The following PPM1H variants were observed in gnomAD, a reference collection of about 807,000 sequenced individuals.
PPM1H encodes the protein protein phosphatase 1H.
In PPM1H, 27 loss-of-function variants were observed where a neutral mutation model predicts 54.9. The ratio of observed to expected loss-of-function variants is 0.49; its 90% confidence interval spans 0.36 to 0.68. PPM1H has a LOEUF of 0.68. Ranked by LOEUF, PPM1H falls within the 30% of genes least tolerant of loss-of-function variation. PPM1H has a pLI of 0.00. For synonymous variants in PPM1H, 305 were observed against 270.8 expected (o/e 1.13, Z -1.24); for missense variants, 596 against 667.8 (o/e 0.89, Z 1.19).
chr12:62,763,284 T>C (rs342146), intron 4 of PPM1H, among the ~76,000 whole-genome samples: 54,214 of 152,064 alleles, frequency 0.36, 9,835 homozygotes, highest in Middle Eastern at 0.46. Flanking sequence ...GGACTGGCTG[T>C]TGAGCCCCTC....
intron 8 of PPM1H, among the ~76,000 whole-genome samples, chr12:62,683,029 ATTAT>A (rs762952990): frequency 4.0e-5 from 5 of 125,462 alleles, no homozygotes; most frequent in African/African-American, 1.1e-4. Flanking sequence ...GGGAGAGTTT[ATTAT>A]TTATTATTAT....
chr12:62,738,211 G>A (rs945790341), intron 4 of PPM1H, among the ~76,000 whole-genome samples: 10 of 152,176 alleles, frequency 6.6e-5, no homozygotes, highest in African/African-American at 2.2e-4. Flanking sequence ...CTGGGAGCTT[G>A]TTAGAAATGC....
intron 1 of PPM1H, among the ~76,000 whole-genome samples, chr12:62,930,696 T>A (rs552295392): frequency 6.6e-6 from 1 of 152,392 alleles, no homozygotes; most frequent in African/African-American, 2.4e-5. Flanking sequence ...AGCTGCCGCC[T>A]GGTCTCTGGG....
chr12:62,873,836 C>T (rs1405923695), intron 1 of PPM1H, among the ~76,000 whole-genome samples: 1 of 152,098 alleles, frequency 6.6e-6, no homozygotes, highest in Non-Finnish European at 1.5e-5. Context: ...CGATAATTGC[C>T]TAAGGGAAAA....
At chr12:62,716,544 TAGA>T (rs2076235391) in intron 6 of PPM1H, among the ~76,000 whole-genome samples, 1 of 152,224 alleles carries the variant, frequency 6.6e-6, no homozygotes, top group Non-Finnish European at 1.5e-5. Context: ...TTTTACTTGT[TAGA>T]AGGTTTCAGA....
chr12:62,890,618 T>C (rs994356568), intron 1 of PPM1H, among the ~76,000 whole-genome samples: 2 of 151,908 alleles, frequency 1.3e-5, no homozygotes, highest in Non-Finnish European at 2.9e-5. Flanking sequence ...TATTAGCAAC[T>C]GAAAAACATC....
intron 1 of PPM1H, among the ~76,000 whole-genome samples, chr12:62,856,908 T>G (rs2120955102): frequency 6.6e-6 from 1 of 152,252 alleles, no homozygotes; most frequent in South Asian, 2.1e-4. Context: ...TACCAGACAC[T>G]TGGCATTTTG....
intron 6 of PPM1H, among the ~76,000 whole-genome samples, chr12:62,710,490 C>G (rs2076200515): frequency 6.7e-6 from 1 of 150,196 alleles, no homozygotes; most frequent in African/African-American, 2.5e-5. Context: ...TGAGATCACA[C>G]CACTGCACTC....
chr12:62,908,228 G>A (rs1326534250), intron 1 of PPM1H, among the ~76,000 whole-genome samples: 5 of 151,982 alleles, frequency 3.3e-5, no homozygotes, highest in Non-Finnish European at 7.4e-5. Flanking sequence ...CAGCCATGGT[G>A]AAACCCCATC....
At chr12:62,654,267 C>T (rs4763189) in intron 9 of PPM1H, among the ~76,000 whole-genome samples, 92,006 of 146,186 alleles carry the variant, frequency 0.63, 29,300 homozygotes, top group Middle Eastern at 0.74. Flanking sequence ...GGTGATCAGC[C>T]TCCTGATAAG....
intron 1 of PPM1H, among the ~76,000 whole-genome samples, chr12:62,922,703 C>A (rs542649909): frequency 6.6e-6 from 1 of 152,196 alleles, no homozygotes; most frequent in Admixed American, 6.5e-5. Flanking sequence ...GAGGACCCAG[C>A]TGGTCTGACC....
chr12:62,901,529 C>T (rs1426194580), intron 1 of PPM1H, among the ~76,000 whole-genome samples: 1 of 152,174 alleles, frequency 6.6e-6, no homozygotes, highest in African/African-American at 2.4e-5. Flanking sequence ...GTCAATAGTA[C>T]TTGTTCTAAA....
rs2076503627 is a variant in PPM1H, at chr12:62,760,706, A to G, written c.870-23120T>C. Reference sequence around the variant, plus strand: ...CCCACTAAATATATACAGGAATTCCAATATCTAACTCTGTCCTACAATTTA... The same window carrying G: ...CCCACTAAATATATACAGGAATTCCGATATCTAACTCTGTCCTACAATTTA... On this transcript the variant is annotated intron_variant, in intron 4 of 9. Coordinates refer to ENST00000228705, the MANE Select transcript of PPM1H (RefSeq NM_020700.2). Among the ~76,000 whole-genome samples, 4 of 152,234 alleles carry G rather than the reference A, an allele frequency of 2.6e-5. No individual in the cohort carries two copies. The South Asian group carries it at 8.3e-4, about 32-fold the overall frequency.
At chr12:62,733,308 G>A (rs1408593592) in intron 5 of PPM1H, among the ~76,000 whole-genome samples, 1 of 152,118 alleles carries the variant, frequency 6.6e-6, no homozygotes, top group Non-Finnish European at 1.5e-5. Flanking sequence ...GGCTGGAGTT[G>A]CAGTGGCACA....
chr12:62,682,283 T>C (rs1322679237), intron 8 of PPM1H, among the ~76,000 whole-genome samples: 1 of 152,232 alleles, frequency 6.6e-6, no homozygotes, highest in African/African-American at 2.4e-5. Flanking sequence ...TCACTTCAGA[T>C]GGCACAGCCA....
At chr12:62,730,687 C>A (rs1460864746) in intron 5 of PPM1H, among the ~76,000 whole-genome samples, 1 of 151,294 alleles carries the variant, frequency 6.6e-6, no homozygotes, top group African/African-American at 2.4e-5. Context: ...TCTCCTTTTT[C>A]TTGCCCTTAG....
intron 4 of PPM1H, among the ~76,000 whole-genome samples, chr12:62,767,344 G>T (rs983069190): frequency 6.6e-6 from 1 of 152,124 alleles, no homozygotes; most frequent in Admixed American, 6.5e-5. Flanking sequence ...GAGGGAGGGG[G>T]AAGGGAAATC....
intron 2 of PPM1H, among the ~76,000 whole-genome samples, chr12:62,830,477 G>C (rs186266763): frequency 2.6e-5 from 4 of 152,078 alleles, no homozygotes; most frequent in Non-Finnish European, 4.4e-5. Context: ...GGATGGTCTC[G>C]ATCTCCTGAC....
At chr12:62,886,594 G>A (rs996407079) in intron 1 of PPM1H, among the ~76,000 whole-genome samples, 1 of 152,176 alleles carries the variant, frequency 6.6e-6, no homozygotes, top group Non-Finnish European at 1.5e-5. Flanking sequence ...GCTGCAAGAT[G>A]TTACCAGAAA....
Sources: gnomAD v4.1 joint callset for allele counts (sites outside exome capture counted in the v4.1 genomes callset) on GRCh38, gnomAD v4.1.1 for gene constraint, MANE v1.5 for transcripts, NCBI Gene and HGNC (gene_info 2026-07-23, HGNC 2026-07-21) for gene names.